The following EPC1 variants were observed in gnomAD, a reference collection of about 807,000 sequenced individuals.
EPC1 encodes enhancer of polycomb homolog 1.
EPC1 carries 12 observed loss-of-function variants against 98.4 expected under a neutral mutation model. The ratio of observed to expected loss-of-function variants is 0.12; its 90% CI spans 0.08 to 0.20. The LOEUF (loss-of-function observed/expected upper bound fraction) is 0.20. EPC1 is among the 10% of genes least tolerant of loss of function. EPC1 has a pLI of 1.00. For synonymous variants in EPC1, 357 were observed against 363.9 expected (o/e 0.98, Z 0.21); for missense variants, 729 against 990.5 (o/e 0.74, Z 3.54).
chr10:32,287,791 T>C (rs1329961475), intron 6 of EPC1, among the ~76,000 whole-genome samples: 2 of 151,170 alleles, frequency 1.3e-5, no homozygotes, highest in African/African-American at 4.9e-5. Context: ...AAATAAAGAG[T>C]AGTAAGGATT....
At chr10:32,346,733 G>A (rs770532471) in intron 1 of EPC1, 30 bp downstream of exon 1, 2 of 1,600,938 alleles carry the variant, frequency 1.2e-6, no homozygotes, top group Non-Finnish European at 8.6e-7. Context: ...CGGGCCTGAC[G>A]GTGGGTCGGA....
chr10:32,298,143 A>T (rs1835285129), intron 2 of EPC1, among the ~76,000 whole-genome samples: 1 of 152,166 alleles, frequency 6.6e-6, no homozygotes, highest in Non-Finnish European at 1.5e-5. Flanking sequence ...AAACCGTGGT[A>T]TTTAAAGTCT....
chr10:32,321,092 G>A (rs2132905936), intron 1 of EPC1, among the ~76,000 whole-genome samples: 1 of 152,150 alleles, frequency 6.6e-6, no homozygotes, highest in South Asian at 2.1e-4. Flanking sequence ...ATCTCAAAAT[G>A]GAACTACCTT....
At chr10:32,281,370 C>A (rs938226000) in intron 10 of EPC1, among the ~76,000 whole-genome samples, 38 of 152,102 alleles carry the variant, frequency 2.5e-4, no homozygotes, top group Non-Finnish European at 1.0e-4. Context: ...ATTAGCCCAA[C>A]ACTGCCAGTT....
At position 32,313,908 on chromosome 10, in the gene EPC1, A is replaced by C. The variant is rs1400166343; in HGVS notation, c.154-7977T>G. ...CTCCAAAAAAAAATAAATAAATAAA[A>C]ATAAAAAGAGAAGAGGGAATAGAGG... On this transcript the variant is annotated intron_variant, in intron 1 of 13. Transcript: ENST00000319778. Among the ~76,000 whole-genome samples the C allele has an allele frequency of 2.0e-5, 3 of 152,104 alleles. No homozygotes were observed. The East Asian group carries it at 5.8e-4, about 29-fold the overall frequency.
chr10:32,269,420 G>A (rs535987399), intron 13 of EPC1: 2 of 289,164 alleles, frequency 6.9e-6, no homozygotes, highest in South Asian at 3.9e-5. Context: ...TTTAGTAATT[G>A]TTGTTTCAAG....
chr10:32,316,769 C>T (rs1159420267), intron 1 of EPC1, among the ~76,000 whole-genome samples: 1 of 152,112 alleles, frequency 6.6e-6, no homozygotes, highest in African/African-American at 2.4e-5. Flanking sequence ...TAGCCAATAT[C>T]CACTATTTGT....
At chr10:32,355,967 G>A (rs1053472514) in intron 1 of EPC1, among the ~76,000 whole-genome samples, 1 of 152,128 alleles carries the variant, frequency 6.6e-6, no homozygotes, top group African/African-American at 2.4e-5. Context: ...ACTAAGTAAT[G>A]CACATACAAA....
chr10:32,334,921 G>A (rs1444256969), intron 1 of EPC1, among the ~76,000 whole-genome samples: 2 of 152,174 alleles, frequency 1.3e-5, no homozygotes, highest in African/African-American at 4.8e-5. Flanking sequence ...GCAAAGGAAG[G>A]AGAAGTCTGA....
chr10:32,273,804 A>T (rs1835953007), intron 10 of EPC1: 1 of 152,180 alleles, frequency 6.6e-6, no homozygotes, highest in Non-Finnish European at 1.5e-5. Context: ...TATATGAAAG[A>T]TTACAGTTGT....
chr10:32,350,354 G>A (rs922880559), upstream of EPC1, among the ~76,000 whole-genome samples: 1 of 152,350 alleles, frequency 6.6e-6, no homozygotes, highest in African/African-American at 2.4e-5. Context: ...GGCTATGGGA[G>A]TTCAGAAAAG....
At chr10:32,334,151 T>C (rs910451508) in intron 1 of EPC1, among the ~76,000 whole-genome samples, 2 of 152,212 alleles carry the variant, frequency 1.3e-5, no homozygotes, top group Non-Finnish European at 2.9e-5. Flanking sequence ...CTGATTGGAT[T>C]TCAGAATTGT....
At chr10:32,346,337 G>A (rs1415846678) in intron 1 of EPC1, among the ~76,000 whole-genome samples, 1 of 152,152 alleles carries the variant, frequency 6.6e-6, no homozygotes, top group African/African-American at 2.4e-5. Context: ...GCCCTGGAGC[G>A]CCACCCAGCG....
At chr10:32,269,447 C>T (rs1592526075) in intron 13 of EPC1, 2 of 262,132 alleles carry the variant, frequency 7.6e-6, no homozygotes, top group East Asian at 1.1e-4. Flanking sequence ...CTCTATTAAA[C>T]CTTTCAAAAG....
At chr10:32,373,986 A>T (rs1839820180) in intron 1 of EPC1, among the ~76,000 whole-genome samples, 1 of 152,188 alleles carries the variant, frequency 6.6e-6, no homozygotes, top group South Asian at 2.1e-4. Context: ...TGTATGACAC[A>T]ATAATCTGGT....
At chr10:32,280,665 G>A (rs1485116497) in intron 10 of EPC1, among the ~76,000 whole-genome samples, 1 of 151,566 alleles carries the variant, frequency 6.6e-6, no homozygotes, top group African/African-American at 2.4e-5. Context: ...TTGAACCGGG[G>A]AGGTGGAGGT....
At position 32,291,252 on chromosome 10, in the gene EPC1, T is replaced by G. The variant is rs775103526; in HGVS notation, c.886A>C (p.Thr296Pro). ...VMAQRQPMKP[T>P]YAIPIIPITN... Reference sequence around the variant, plus strand: ...ATAGGGATGATGGGGATGGCATAAGTAGGTTTCATTGGCTGTCTCTGTGCC... The same window carrying G: ...ATAGGGATGATGGGGATGGCATAAGGAGGTTTCATTGGCTGTCTCTGTGCC... Residue 296 changes from threonine (T) to proline (P), a missense_variant, in exon 6 of 14, where the codon ACT becomes CCT. Thr to Pro is a conservative substitution (Grantham distance 38). Around this residue, in one of 6 missense-constraint regions of EPC1, gnomAD observed 390 missense variants for 438.6 expected, o/e 0.89. Coordinates refer to ENST00000319778, the MANE Select transcript of EPC1 (RefSeq NM_001272004.3). 4.3e-6 allele frequency: 7 copies of G among 1,614,016 alleles called. No homozygotes were observed. In the South Asian group the frequency reaches 7.7e-5, roughly 18 times the overall value.
At chr10:32,315,592 T>C (rs1326099838) in intron 1 of EPC1, among the ~76,000 whole-genome samples, 1 of 152,186 alleles carries the variant, frequency 6.6e-6, no homozygotes, top group Non-Finnish European at 1.5e-5. Flanking sequence ...TTTAAATCCC[T>C]GAATATTTAT....
Position 32,286,988 on chromosome 10 carries a change from C to T in EPC1, c.1180G>A (p.Glu394Lys). ...QVLSGSSEAE[E>K]DNDPDGPFAF... is the part of the protein sequence containing the mutation. ...AAAGGACCATCAGGATCATTGTCTT[C>T]CTCAGCTTCCGAAGAGCCAGACAAA... Residue 394 changes from glutamate (E) to lysine (K), a missense_variant, in exon 8 of 14, where the codon GAA (glutamate) becomes AAA (lysine). Physicochemically the swap from Glu to Lys is moderately conservative, Grantham distance 56 (BLOSUM62 1). This residue lies in a region of EPC1 where 390 missense variants were observed against 438.6 expected (regional missense o/e 0.89). Transcript: ENST00000319778. The T allele has an allele frequency of 1.2e-6, 2 of 1,614,122 alleles. No homozygotes were observed. Among genetic ancestry groups the T allele is most frequent in the Non-Finnish European group, 1.7e-6 (2 of 1,180,014 alleles).
Sources: gnomAD v4.1 joint callset for allele counts (sites outside exome capture counted in the v4.1 genomes callset) on GRCh38, gnomAD v4.1.1 for gene constraint, gnomAD v4.1.1 regional missense constraint, MANE v1.5 for transcripts, NCBI Gene and HGNC (gene_info 2026-07-23, HGNC 2026-07-21) for gene names.